Variants in STK33 observed in about 807,000 individuals in gnomAD.
STK33 encodes serine/threonine-protein kinase 33.
Under a neutral mutation model 58.0 loss-of-function variants are expected in STK33, and 52 were observed. That is an observed-to-expected ratio of 0.90 (90% CI 0.72 to 1.13). The LOEUF (loss-of-function observed/expected upper bound fraction) is 1.13, where lower values mean the gene tolerates loss of function less well. STK33 is among the 50% of genes most tolerant of loss of function. The probability of loss-of-function intolerance (pLI) is 0.00; values close to 1 mark genes in which losing one functional copy is unlikely to be tolerated. For missense variants in STK33, 630 were observed against 604.2 expected (o/e 1.04, Z -0.45); for synonymous variants, 215 against 200.1 (o/e 1.07, Z -0.63).
At chr11:8,475,883 T>C (rs553481682) in intron 4 of STK33, 39 of 152,350 alleles carry the variant, frequency 2.6e-4, no homozygotes, top group African/African-American at 9.1e-4. Context: ...TCTGTAGTCA[T>C]AGATTGATAA....
chr11:8,423,333 A>T (rs1179111125), intron 14 of STK33, among the ~76,000 whole-genome samples: 1 of 151,930 alleles, frequency 6.6e-6, no homozygotes, highest in Non-Finnish European at 1.5e-5. Flanking sequence ...ATTTTTAGAT[A>T]TCATTAATTT....
the STK33 span, among the ~76,000 whole-genome samples, chr11:8,357,083 C>G: frequency 2.6e-5 from 4 of 152,358 alleles, no homozygotes; most frequent in East Asian, 5.8e-4. Flanking sequence ...GGCCTGCCCT[C>G]TTCCCTCCTC....
At chr11:8,524,933 T>C (rs1953896167) in intron 1 of STK33, among the ~76,000 whole-genome samples, 1 of 152,030 alleles carries the variant, frequency 6.6e-6, no homozygotes, top group Non-Finnish European at 1.5e-5. Flanking sequence ...GCAGTGATGG[T>C]TTCACAGCTG....
intron 1 of STK33, among the ~76,000 whole-genome samples, chr11:8,530,786 T>G (rs1171288554): frequency 6.6e-6 from 1 of 152,058 alleles, no homozygotes; most frequent in Non-Finnish European, 1.5e-5. Flanking sequence ...GCCGCCCAGG[T>G]TCAAGCAATT....
At chr11:8,550,958 C>T (rs563394134) in intron 1 of STK33, among the ~76,000 whole-genome samples, 1 of 152,104 alleles carries the variant, frequency 6.6e-6, no homozygotes, top group African/African-American at 2.4e-5. Context: ...GTTCACACTG[C>T]TGGTAAAGAC....
the STK33 span, among the ~76,000 whole-genome samples, chr11:8,358,891 G>T: frequency 6.6e-6 from 1 of 152,178 alleles, no homozygotes; most frequent in Non-Finnish European, 1.5e-5. Flanking sequence ...GTGGAGAGAA[G>T]GCTGGCAGAT....
At chr11:8,589,663 TA>T (rs953264672) in intron 1 of STK33, among the ~76,000 whole-genome samples, 7 of 151,968 alleles carry the variant, frequency 4.6e-5, no homozygotes, top group African/African-American at 1.2e-4. Flanking sequence ...TATATCTCAA[TA>T]AAAAAAGTGA....
intron 1 of STK33, among the ~76,000 whole-genome samples, chr11:8,517,042 G>C (rs956808066): frequency 6.6e-6 from 1 of 152,182 alleles, no homozygotes; most frequent in Non-Finnish European, 1.5e-5. Context: ...CCTCAAGTGG[G>C]TCCCTGACCC....
At chr11:8,566,634 T>C (rs1025488287) in intron 1 of STK33, among the ~76,000 whole-genome samples, 1 of 152,242 alleles carries the variant, frequency 6.6e-6, no homozygotes. Context: ...TAGTCATACA[T>C]GCTTTTACTA....
At chr11:8,400,268 A>G (rs551719685) in intron 15 of STK33, among the ~76,000 whole-genome samples, 65 of 152,206 alleles carry the variant, frequency 4.3e-4, no homozygotes, top group Non-Finnish European at 8.5e-4. Context: ...AAGCTTATCC[A>G]CCATGATCAA....
At chr11:8,467,435 T>C (rs1948318279) in intron 6 of STK33, 2 of 152,288 alleles carry the variant, frequency 1.3e-5, no homozygotes, top group Admixed American at 1.3e-4. Context: ...CCAGTTGCTT[T>C]AGTAAAACGT....
intron 1 of STK33, among the ~76,000 whole-genome samples, chr11:8,489,257 CAA>C (rs377017514): frequency 3.1e-5 from 2 of 64,346 alleles, no homozygotes; most frequent in African/African-American, 7.2e-5. Flanking sequence ...AAGCTATCTC[CAA>C]AAAAAAAAAA....
the STK33 span, among the ~76,000 whole-genome samples, chr11:8,361,955 T>C: frequency 6.6e-6 from 1 of 152,168 alleles, no homozygotes; most frequent in Admixed American, 6.6e-5. This position sits in a 1 kb window ranked among gnomAD's most constrained non-coding sequence, Gnocchi z 4.8. Context: ...TCTCACCTGG[T>C]CAGACACCTC....
At chr11:8,342,775 T>C in the STK33 span, among the ~76,000 whole-genome samples, 2 of 152,232 alleles carry the variant, frequency 1.3e-5, no homozygotes, top group African/African-American at 4.8e-5. Context: ...TTCTAATGGA[T>C]AGAATAGGCC....
chr11:8,536,972 A>ATCTTTTTT (rs1955070178), intron 1 of STK33, among the ~76,000 whole-genome samples: 1 of 65,736 alleles, frequency 1.5e-5, no homozygotes, highest in Non-Finnish European at 2.5e-5. Context: ...AAAAAAAAAG[A>ATCTTTTTT]TTTTTTTTTT....
chr11:8,412,861 C>T (rs574325554), intron 15 of STK33, among the ~76,000 whole-genome samples: 11 of 152,236 alleles, frequency 7.2e-5, no homozygotes, highest in East Asian at 1.9e-4. Flanking sequence ...ATCCAGTTAA[C>T]GGATCACAAT....
chr11:8,562,825 C>T (rs1458790749), intron 1 of STK33, among the ~76,000 whole-genome samples: 1 of 152,128 alleles, frequency 6.6e-6, no homozygotes, highest in Non-Finnish European at 1.5e-5. Flanking sequence ...TTGGGAGGCA[C>T]TGAAGATACA....
intron 1 of STK33, among the ~76,000 whole-genome samples, chr11:8,535,098 T>C (rs918110635): frequency 6.6e-6 from 1 of 152,118 alleles, no homozygotes; most frequent in Non-Finnish European, 1.5e-5. Context: ...CGAGAGAACA[T>C]GGATATTCTG....
chr11:8,406,066 C>T (rs938881696), intron 15 of STK33, among the ~76,000 whole-genome samples: 1 of 142,682 alleles, frequency 7.0e-6, no homozygotes, highest in Admixed American at 7.9e-5. Context: ...TGGCGGGAAC[C>T]TGGGAGGCGG....
Sources: allele counts gnomAD v4.1 joint callset (sites outside exome capture counted in the v4.1 genomes callset), GRCh38; gene constraint gnomAD v4.1.1; non-coding constraint Gnocchi (gnomAD v3.1); transcripts MANE v1.5; gene names NCBI Gene and HGNC (gene_info 2026-07-23, HGNC 2026-07-21).